INPP4B: variants seen among roughly 807,000 people sequenced by gnomAD.
INPP4B encodes the protein inositol polyphosphate-4-phosphatase type II B.
INPP4B carries 55 observed loss-of-function variants against 122.5 expected under a neutral mutation model. The observed-to-expected ratio is 0.45, with a 90% CI of 0.36 to 0.56. INPP4B has a LOEUF of 0.56. Among genes scored for constraint, INPP4B ranks in the 20% least tolerant of loss-of-function variants. The pLI, the probability that INPP4B is intolerant of heterozygous loss-of-function variation, is 0.00. For missense variants in INPP4B, 1,000 were observed against 1,097.7 expected (o/e 0.91, Z 1.26); for synonymous variants, 403 against 388.7 (o/e 1.04, Z -0.43).
chr4:142,378,198 T>C lies in INPP4B; in HGVS notation c.372+24740A>G, dbSNP rs1017283910. On this transcript the variant is annotated intron_variant, in intron 7 of 25. Transcript: ENST00000262992. ...AAAAGATAACTTGTCCAAAGTCACATAGTAAGCAGCCGATCTGAGACTAGA... is the reference window on the plus strand; with the variant it reads ...AAAAGATAACTTGTCCAAAGTCACACAGTAAGCAGCCGATCTGAGACTAGA... 2.6e-5 allele frequency among the ~76,000 whole-genome samples: 4 copies of C among 152,254 alleles called. No homozygotes were observed. In the East Asian group the frequency reaches 5.8e-4, roughly 22 times the overall value.
chr4:142,442,429 A>AAAAAG (rs1554055575), intron 3 of INPP4B, among the ~76,000 whole-genome samples: 1 of 150,814 alleles, frequency 6.6e-6, no homozygotes, highest in African/African-American at 2.4e-5. Flanking sequence ...AAAAAAAAAA[A>AAAAAG]AGAGAGAGAA....
Position 142,598,925 on chromosome 4 carries a change from C to T in INPP4B, c.-191+126914G>A, listed in dbSNP as rs780067046. On this transcript the variant is annotated intron_variant, in intron 2 of 25. Coordinates refer to ENST00000262992, the MANE Select transcript of INPP4B (RefSeq NM_001101669.3). ...TGTTTGGGGCTGGGAGTGCCAAGTG[C>T]ACCCTTGCTGGTTGCATGGCCTCCA... is the stretch of plus-strand genomic sequence containing the variant. Among the ~76,000 whole-genome samples, 4 of 152,306 alleles carry T rather than the reference C, an allele frequency of 2.6e-5. No individual in the cohort carries two copies. In the South Asian group the frequency reaches 6.2e-4, roughly 24 times the overall value.
intron 1 of INPP4B, among the ~76,000 whole-genome samples, chr4:142,752,267 G>A (rs1769848504): frequency 6.6e-6 from 1 of 152,070 alleles, no homozygotes; most frequent in Admixed American, 6.6e-5. Context: ...GGCCAAAGGT[G>A]CCTCACAGGC....
chr4:142,217,554 C>A (rs1452041876), intron 12 of INPP4B, among the ~76,000 whole-genome samples: 1 of 152,138 alleles, frequency 6.6e-6, no homozygotes, highest in East Asian at 1.9e-4. Context: ...TGATGTAGGT[C>A]TGTAATCCTA....
At chr4:142,739,411 G>A (rs1403043076) in intron 1 of INPP4B, among the ~76,000 whole-genome samples, 1 of 152,006 alleles carries the variant, frequency 6.6e-6, no homozygotes, top group Admixed American at 6.6e-5. Flanking sequence ...AAAATATGAA[G>A]TGTTTGCCTA....
At chr4:142,845,487 T>TG (rs1784070959) in intron 1 of INPP4B, among the ~76,000 whole-genome samples, 1 of 152,098 alleles carries the variant, frequency 6.6e-6, no homozygotes, top group South Asian at 2.1e-4. Flanking sequence ...CAGGCACTCT[T>TG]GCGCCAAGGC....
At chr4:142,640,339 T>C (rs1364137902) in intron 2 of INPP4B, among the ~76,000 whole-genome samples, 2 of 152,082 alleles carry the variant, frequency 1.3e-5, no homozygotes, top group Admixed American at 1.3e-4. Context: ...GTGGTACTGG[T>C]ACAAGGCACA....
chr4:142,733,581 C>T (rs1475693715), intron 1 of INPP4B, among the ~76,000 whole-genome samples: 1 of 151,932 alleles, frequency 6.6e-6, no homozygotes, highest in East Asian at 1.9e-4. Context: ...TGAGATGTCA[C>T]TATAAGCAGA....
chr4:142,071,034 T>C (rs1384454204), intron 25 of INPP4B, among the ~76,000 whole-genome samples: 2 of 152,068 alleles, frequency 1.3e-5, no homozygotes, highest in African/African-American at 4.8e-5. Context: ...ACCAAGACAA[T>C]CTTAAGCCAA....
intron 7 of INPP4B, among the ~76,000 whole-genome samples, chr4:142,321,842 T>C (rs1770197310): frequency 6.6e-6 from 1 of 152,206 alleles, no homozygotes; most frequent in African/African-American, 2.4e-5. Flanking sequence ...GGTCATAGCC[T>C]TATAGTATAG....
intron 1 of INPP4B, among the ~76,000 whole-genome samples, chr4:142,798,745 G>A (rs1168545568): frequency 6.6e-6 from 1 of 151,776 alleles, no homozygotes; most frequent in Non-Finnish European, 1.5e-5. Context: ...AAGTAGAGAA[G>A]TAGAGATAAG....
chr4:142,376,512 CACTG>C (rs1224687430), intron 7 of INPP4B, among the ~76,000 whole-genome samples: 1 of 152,030 alleles, frequency 6.6e-6, no homozygotes, highest in Non-Finnish European at 1.5e-5. Context: ...TTTTCAGATC[CACTG>C]ACTCTCTGAG....
At chr4:142,180,317 A>C (rs1356204496) in intron 15 of INPP4B, among the ~76,000 whole-genome samples, 1 of 152,178 alleles carries the variant, frequency 6.6e-6, no homozygotes, top group African/African-American at 2.4e-5. Context: ...ATTCTGGAAT[A>C]AGAATACAAA....
intron 1 of INPP4B, among the ~76,000 whole-genome samples, chr4:142,782,624 C>A (rs1306167560): frequency 3.6e-4 from 55 of 151,730 alleles, no homozygotes; most frequent in African/African-American, 1.3e-3. Flanking sequence ...TCCTATTTCT[C>A]CACATCCTCT....
chr4:142,331,745 A>G (rs1441276705), intron 7 of INPP4B, among the ~76,000 whole-genome samples: 3 of 152,216 alleles, frequency 2.0e-5, no homozygotes, highest in African/African-American at 7.2e-5. Flanking sequence ...GTCTCATGAC[A>G]TATTTGTGCT....
chr4:142,072,271 G>T (rs1244321937), intron 25 of INPP4B, among the ~76,000 whole-genome samples: 3 of 151,920 alleles, frequency 2.0e-5, no homozygotes, highest in Non-Finnish European at 2.9e-5. Context: ...TCACTCGTAG[G>T]TGAGAATTGA....
At chr4:142,801,048 C>T (rs1055638248) in intron 1 of INPP4B, among the ~76,000 whole-genome samples, 1 of 151,094 alleles carries the variant, frequency 6.6e-6, no homozygotes, top group African/African-American at 2.4e-5. Flanking sequence ...GAAAGGCTGA[C>T]CAGAGACAGA....
chr4:142,420,502 C>A (rs1210338130), intron 5 of INPP4B, among the ~76,000 whole-genome samples: 1 of 152,056 alleles, frequency 6.6e-6, no homozygotes, highest in Non-Finnish European at 1.5e-5. Flanking sequence ...ACTACCCACC[C>A]GACAGATGTG....
chr4:142,157,810 T>C (rs926207259), intron 17 of INPP4B, among the ~76,000 whole-genome samples: 5 of 152,094 alleles, frequency 3.3e-5, no homozygotes, highest in African/African-American at 1.2e-4. Context: ...CGTTACTCAT[T>C]AGCTCAAGTA....
Sources: gnomAD v4.1 joint callset for allele counts (sites outside exome capture counted in the v4.1 genomes callset) on GRCh38, gnomAD v4.1.1 for gene constraint, MANE v1.5 for transcripts, NCBI Gene and HGNC (gene_info 2026-07-23, HGNC 2026-07-21) for gene names.